The following FAM120AOS variants were observed in gnomAD, a reference collection of about 807,000 sequenced individuals.
FAM120AOS encodes uncharacterized protein FAM120AOS.
In FAM120AOS, 15 loss-of-function variants were observed where a neutral mutation model predicts 20.2. The observed-to-expected ratio is 0.74, with a 90% confidence interval of 0.50 to 1.15. The LOEUF (loss-of-function observed/expected upper bound fraction) is 1.15, where lower values mean the gene tolerates loss of function less well. Ranked by LOEUF, FAM120AOS falls within the 50% of genes most tolerant of loss-of-function variation. The pLI, the probability that FAM120AOS is intolerant of heterozygous loss-of-function variation, is 0.00. For synonymous variants in FAM120AOS, 154 were observed against 154.0 expected (o/e 1.00, Z 0.00); for missense variants, 327 against 351.9 (o/e 0.93, Z 0.57).
intron 2 of FAM120AOS, chr9:93,448,497 G>GCAAAAAAAAAAAAAAAAAAAAAAAA: frequency 4.9e-6 from 1 of 204,256 alleles, no homozygotes; most frequent in African/African-American, 2.4e-5. Context: ...CATCTTGGGG[G>GCAAAAAAAAAAAAAAAAAAAAAAAA]AGAAAAAATA....
intron 2 of FAM120AOS, among the ~76,000 whole-genome samples, chr9:93,449,907 C>T (rs916752303): frequency 6.6e-6 from 1 of 152,206 alleles, no homozygotes; most frequent in Non-Finnish European, 1.5e-5. Flanking sequence ...CCTTGTGAAC[C>T]TGCCTTGGGT....
chr9:93,452,778 C>T lies in FAM120AOS; in HGVS notation c.-69G>A, dbSNP rs1857326807. 1 of 1,594,442 alleles carries T rather than the reference C, an allele frequency of 6.3e-7. No homozygotes were observed. Among genetic ancestry groups the T allele is most frequent in the Admixed American group, 1.7e-5 (1 of 58,998 alleles). On this transcript the variant is annotated 5_prime_UTR_variant, in exon 1 of 3. Coordinates refer to ENST00000375412, the MANE Select transcript of FAM120AOS (RefSeq NM_198841.4). This position sits in a 1 kb window ranked among gnomAD's most constrained non-coding sequence, Gnocchi z 7.0. ...AAAATACTCCCTTTTCTAATTTAGC[C>T]TGTTCTTTCCCAGCAACAGGTTCAT...
rs1857329387 is a variant in FAM120AOS at position 93,452,797 on chromosome 9, G to C, written c.-88C>G. Reference sequence around the variant, plus strand: ...TTTAGCCTGTTCTTTCCCAGCAACAGGTTCATCTTGGAAGCAGGCAGGATA... The same window carrying C: ...TTTAGCCTGTTCTTTCCCAGCAACACGTTCATCTTGGAAGCAGGCAGGATA... On this transcript the variant is annotated 5_prime_UTR_variant, in exon 1 of 3. Coordinates refer to ENST00000375412, the MANE Select transcript of FAM120AOS (RefSeq NM_198841.4). This position sits in a 1 kb window ranked among gnomAD's most constrained non-coding sequence, Gnocchi z 7.0. The C allele has an allele frequency of 6.3e-7, 1 of 1,589,044 alleles. No homozygotes were observed. Among genetic ancestry groups the C allele is most frequent in the Non-Finnish European group, 8.5e-7 (1 of 1,176,054 alleles).
At chr9:93,448,796 A>AT (rs570210500) in intron 2 of FAM120AOS, among the ~76,000 whole-genome samples, 2,697 of 150,426 alleles carry the variant, frequency 0.018, 84 homozygotes, top group African/African-American at 0.063. Flanking sequence ...TTTTTTTTGT[A>AT]TTTTTTTTAG....
In FAM120AOS at chr9:93,453,414, T is replaced by C. The variant is rs1857381424; in HGVS notation, c.-705A>G. ...CTGATTGCTTGCTTTTTTCATTGGT[T>C]TTCTTGAAAACAAATTTTGGGGGCC... On this transcript the variant is annotated 5_prime_UTR_variant, in exon 1 of 3. Coordinates refer to ENST00000375412, the MANE Select transcript of FAM120AOS (RefSeq NM_198841.4). 1.0e-6 allele frequency: 1 copy of C among 985,464 alleles called. No individual in the cohort carries two copies. The highest frequency in any genetic ancestry group is 1.2e-6 in the Non-Finnish European group (1 of 829,956). The allele number at this position is 985,464 out of a possible 1,614,324, so 61.0% of individuals were successfully genotyped here. A position where few individuals can be genotyped will look rare whatever the true frequency, so the allele number is the denominator to read the frequency against.
At chr9:93,448,824 C>T (rs1187385342) in intron 2 of FAM120AOS, among the ~76,000 whole-genome samples, 3 of 151,950 alleles carry the variant, frequency 2.0e-5, no homozygotes, top group African/African-American at 7.2e-5. Context: ...GGAGTTTCAC[C>T]GTGTTAGCCA....
In FAM120AOS at chr9:93,452,693, T is replaced by G; in HGVS notation, c.17A>C (p.Asp6Ala). MGKTK[D>A]IGDDDTVASE... ...GGCGACAGTGTCATCATCCCCAATA[T>G]CCTTAGTTTTTCCCATCCTATTTGA... Residue 6 changes from aspartate to alanine, a missense_variant, in exon 1 of 3, where the codon GAT becomes GCT. By Grantham distance (126) the Asp-to-Ala change is moderately radical (BLOSUM62 -2). Coordinates refer to ENST00000375412, the MANE Select transcript of FAM120AOS (RefSeq NM_198841.4). This position sits in a 1 kb window ranked among gnomAD's most constrained non-coding sequence, Gnocchi z 7.0. 6.3e-7 allele frequency: 1 copy of G among 1,598,552 alleles called. No homozygotes were observed. Among genetic ancestry groups the G allele is most frequent in the Middle Eastern group, 1.7e-4 (1 of 6,058 alleles).
At position 93,444,319 on chromosome 9, in the gene FAM120AOS, C is replaced by T. The variant is rs373538041; in HGVS notation, c.*3292G>A. On this transcript the variant is annotated 3_prime_UTR_variant, in exon 3 of 3. Transcript: ENST00000375412. ...CCTCCCAAAGTGCTGGGATGACAGG[C>T]GTGAGCCACCGTGTCCAGCCTGACT... Among the ~76,000 whole-genome samples the T allele has an allele frequency of 1.3e-5, 2 of 151,980 alleles. No individual in the cohort carries two copies. The highest frequency in any genetic ancestry group is 1.9e-4 in the East Asian group (1 of 5,142).
chr9:93,451,877 C>T, intron 1 of FAM120AOS: 16 of 1,178,364 alleles, frequency 1.4e-5, no homozygotes, highest in East Asian at 3.8e-5. Context: ...GGCCCCGCCG[C>T]CCCCCGCCCG....
Position 93,443,494 on chromosome 9 carries a change from C to G in FAM120AOS, c.*4117G>C, listed in dbSNP as rs1856759090. Among the ~76,000 whole-genome samples the G allele has an allele frequency of 6.6e-6, 1 of 152,214 alleles. No homozygotes were observed. The highest frequency in any genetic ancestry group is 1.5e-5 in the Non-Finnish European group (1 of 68,048). The stretch of plus-strand genomic sequence containing the variant: ...AGGTTGGAAGGTCATTTTTACAGTT[C>G]TGAACTGCTGTGCAGTGAGGACTGT... On this transcript the variant is annotated 3_prime_UTR_variant, in exon 3 of 3. Coordinates refer to ENST00000375412, the MANE Select transcript of FAM120AOS (RefSeq NM_198841.4).
intron 2 of FAM120AOS, among the ~76,000 whole-genome samples, chr9:93,448,774 C>T (rs1856958081): frequency 6.6e-6 from 1 of 151,972 alleles, no homozygotes. Context: ...CCTGCCACCA[C>T]GCCCGGCTAA....
rs1856771645 is a variant in FAM120AOS, at chr9:93,443,959, A to C, written c.*3652T>G. On this transcript the variant is annotated 3_prime_UTR_variant, in exon 3 of 3. Coordinates refer to ENST00000375412, the MANE Select transcript of FAM120AOS (RefSeq NM_198841.4). ...AGAAAAAAAGATGGATTATTTCCAC[A>C]TTCTTCAGACCATAGGGTCATTTTT... is the stretch of plus-strand genomic sequence containing the variant. 6.6e-6 allele frequency among the ~76,000 whole-genome samples: 1 copy of C among 152,194 alleles called. No individual in the cohort carries two copies. Among genetic ancestry groups the C allele is most frequent in the African/African-American group, 2.4e-5 (1 of 41,452 alleles).
Position 93,453,267 on chromosome 9 carries a change from A to G in FAM120AOS, c.-558T>C, listed in dbSNP as rs1857368899. ...GACGGGTGGGTAATCAGAGCTCTAT[A>G]TCACCGGCCTCCTCTGGCCCTTTGG... is the stretch of plus-strand genomic sequence containing the variant. On this transcript the variant is annotated 5_prime_UTR_variant, in exon 1 of 3. Coordinates refer to ENST00000375412, the MANE Select transcript of FAM120AOS (RefSeq NM_198841.4). The G allele has an allele frequency of 2.1e-5, 21 of 990,396 alleles. No homozygotes were observed. The highest frequency in any genetic ancestry group is 5.2e-4 in the Middle Eastern group (1 of 1,934). The allele number at this position is 990,396 out of a possible 1,614,324, so 61.4% of individuals were successfully genotyped here.
intron 1 of FAM120AOS, chr9:93,451,888 C>T: frequency 8.1e-7 from 1 of 1,236,994 alleles, no homozygotes; most frequent in Non-Finnish European, 1.0e-6. Flanking sequence ...CCCCCGCCCG[C>T]ACCCGCGCCC....
rs1020269917 is a variant in FAM120AOS, at chr9:93,447,485, T to C, written c.*126A>G. On this transcript the variant is annotated 3_prime_UTR_variant, in exon 3 of 3. Transcript: ENST00000375412. ...TCTAGCTTTAAAACACCCTCCAATA[T>C]AGAGAGAACTCTGAAACCAGAAGCA... 8 of 856,148 alleles carry C rather than the reference T, an allele frequency of 9.3e-6. No individual in the cohort carries two copies. The highest frequency in any genetic ancestry group is 1.5e-5 in the Non-Finnish European group (8 of 525,276). 53.0% of individuals were successfully genotyped at this position (856,148 alleles called of 1,614,324 possible).
Position 93,452,715 on chromosome 9 carries a change from T to G in FAM120AOS, c.-6A>C. ...ATATCCTTAGTTTTTCCCATCCTAT[T>G]TGAGGCGGGCAGGCTATCACTCACC... On this transcript the variant is annotated 5_prime_UTR_variant, in exon 1 of 3. Coordinates refer to ENST00000375412, the MANE Select transcript of FAM120AOS (RefSeq NM_198841.4). This position sits in a 1 kb window ranked among gnomAD's most constrained non-coding sequence, Gnocchi z 7.0. 1 of 1,598,488 alleles carries G rather than the reference T, an allele frequency of 6.3e-7. No homozygotes were observed. The highest frequency in any genetic ancestry group is 8.5e-7 in the Non-Finnish European group (1 of 1,179,850).
Position 93,453,130 on chromosome 9 carries a change from T to A in FAM120AOS, c.-421A>T. 5 of 1,006,176 alleles carry A rather than the reference T, an allele frequency of 5.0e-6. No homozygotes were observed. Among genetic ancestry groups the A allele is most frequent in the Non-Finnish European group, 5.9e-6 (5 of 843,858 alleles). The allele number at this position is 1,006,176 out of a possible 1,614,324, so 62.3% of individuals were successfully genotyped here. A position where few individuals can be genotyped will look rare whatever the true frequency, so the allele number is the denominator to read the frequency against. On this transcript the variant is annotated 5_prime_UTR_variant, in exon 1 of 3. Coordinates refer to ENST00000375412, the MANE Select transcript of FAM120AOS (RefSeq NM_198841.4). The stretch of plus-strand genomic sequence containing the variant: ...CTTTAAGGCAGTTCGGTTTTGTAGA[T>A]CCCATGCGAAAGGAGTCGCTCAAAA...
chr9:93,451,569 C>A, intron 1 of FAM120AOS: 1 of 985,224 alleles, frequency 1.0e-6, no homozygotes, highest in African/African-American at 1.7e-5. Context: ...CGCGTCCCGC[C>A]GGCGCCGCCT....
chr9:93,451,041 A>G (rs1227643192), intron 1 of FAM120AOS: 1 of 1,550,338 alleles, frequency 6.5e-7, no homozygotes, highest in East Asian at 2.4e-5. Flanking sequence ...CATTTGTCAT[A>G]GGTGTAAAAA....
Sources: allele counts gnomAD v4.1 joint callset (sites outside exome capture counted in the v4.1 genomes callset), GRCh38; gene constraint gnomAD v4.1.1; non-coding constraint Gnocchi (gnomAD v3.1); transcripts MANE v1.5; gene names NCBI Gene and HGNC (gene_info 2026-07-23, HGNC 2026-07-21).